Variants in SHISA9 observed in about 807,000 individuals in gnomAD.
SHISA9 encodes protein shisa-9.
Under a neutral mutation model 38.0 loss-of-function variants are expected in SHISA9, and 13 were observed. The ratio of observed to expected loss-of-function variants is 0.34; its 90% CI spans 0.22 to 0.54. The LOEUF (loss-of-function observed/expected upper bound fraction) is 0.54, where lower values mean the gene tolerates loss of function less well. Ranked by LOEUF, SHISA9 falls within the 20% of genes least tolerant of loss-of-function variation. The probability of loss-of-function intolerance (pLI) is 0.91; values close to 1 mark genes in which losing one functional copy is unlikely to be tolerated. For missense variants in SHISA9, 538 were observed against 575.8 expected (o/e 0.93, Z 0.67); for synonymous variants, 275 against 242.0 (o/e 1.14, Z -1.27).
rs545728809 is a variant in SHISA9 at position 13,014,136 on chromosome 16, C to T, written c.691+97321C>T. Among the ~76,000 whole-genome samples, 5 of 152,214 alleles carry T rather than the reference C, an allele frequency of 3.3e-5. No individual in the cohort carries two copies. In the East Asian group the frequency reaches 9.7e-4, roughly 29 times the overall value. ...AGGCAAATCCTACAAGGCTATTATC[C>T]CCATTTTACAGATGAGGAAACTGAG... On this transcript the variant is annotated intron_variant, in intron 2 of 4. Coordinates refer to ENST00000558583, the MANE Select transcript of SHISA9 (RefSeq NM_001145204.3).
At chr16:13,152,989 A>T (rs1351245301) in intron 2 of SHISA9, among the ~76,000 whole-genome samples, 1 of 152,212 alleles carries the variant, frequency 6.6e-6, no homozygotes, top group Non-Finnish European at 1.5e-5. Context: ...AGAGTGACAG[A>T]GTGATGTAAT....
At chr16:13,026,244 T>TA (rs1416564383) in intron 2 of SHISA9, among the ~76,000 whole-genome samples, 25 of 680 alleles carry the variant, frequency 0.037, no homozygotes, top group African/African-American at 0.052. Context: ...CCCCTCCCTA[T>TA]CCCCCGGCAA....
intron 2 of SHISA9, among the ~76,000 whole-genome samples, chr16:13,093,734 C>T (rs113171651): frequency 0.014 from 2,180 of 152,232 alleles, 32 homozygotes; most frequent in South Asian, 0.034. Context: ...GTTGACCTCC[C>T]CAATCTCTGC....
At chr16:13,188,148 TACCC>T (rs750896926) in intron 2 of SHISA9, among the ~76,000 whole-genome samples, 1 of 152,172 alleles carries the variant, frequency 6.6e-6, no homozygotes, top group Non-Finnish European at 1.5e-5. Context: ...ACAAAACACT[TACCC>T]ACTGCACACA....
chr16:13,478,225 T>A, the SHISA9 span, among the ~76,000 whole-genome samples: 18 of 152,218 alleles, frequency 1.2e-4, 1 homozygote, highest in Non-Finnish European at 1.5e-4. Flanking sequence ...CCTGAGTCAC[T>A]GAGGGGCATC....
In SHISA9 at chr16:13,235,273, G is replaced by A. The variant is rs1267805720; in HGVS notation, c.1139G>A (p.Arg380Gln). The A allele has an allele frequency of 1.3e-6, 2 of 1,551,536 alleles. No homozygotes were observed. Among genetic ancestry groups the A allele is most frequent in the Non-Finnish European group, 1.7e-6 (2 of 1,147,008 alleles). ...GWDPNEQSLR[R>Q]QAYSNKGKLG... is the part of the protein sequence containing the mutation. ...GACCCCAACGAGCAGTCCCTCCGGC[G>A]GCAGGCTTACAGCAACAAGGGCAAG... Residue 380 changes from arginine (R) to glutamine (Q), a missense_variant, in exon 5 of 5, where the codon CGG (arginine) becomes CAG (glutamine). Arg to Gln is a conservative substitution (Grantham distance 43). Transcript: ENST00000558583.
chr16:13,113,523 G>A (rs2074000568), intron 2 of SHISA9, among the ~76,000 whole-genome samples: 1 of 152,204 alleles, frequency 6.6e-6, no homozygotes, highest in Admixed American at 6.5e-5. Flanking sequence ...TTAATTGGCA[G>A]CCTTCTTCAG....
At chr16:13,113,197 G>A (rs907195383) in intron 2 of SHISA9, among the ~76,000 whole-genome samples, 5 of 119,940 alleles carry the variant, frequency 4.2e-5, no homozygotes, top group Non-Finnish European at 8.1e-5. Flanking sequence ...ACAACAGAAT[G>A]AGACTCCATC....
At chr16:13,322,956 A>G in the SHISA9 span, among the ~76,000 whole-genome samples, 1 of 152,112 alleles carries the variant, frequency 6.6e-6, no homozygotes, top group Non-Finnish European at 1.5e-5. Context: ...CTGCACCACA[A>G]CTGTGAGAAG....
intron 2 of SHISA9, among the ~76,000 whole-genome samples, chr16:13,194,519 C>T (rs1279624621): frequency 3.3e-5 from 5 of 152,130 alleles, no homozygotes; most frequent in African/African-American, 9.7e-5. Context: ...TGGGATAATT[C>T]GATTAGCTAG....
At chr16:13,309,957 G>A in the SHISA9 span, among the ~76,000 whole-genome samples, 1 of 151,920 alleles carries the variant, frequency 6.6e-6, no homozygotes, top group Non-Finnish European at 1.5e-5. Context: ...GCACGATCTC[G>A]GCTCACTGCA....
intron 3 of SHISA9, among the ~76,000 whole-genome samples, chr16:13,204,197 TATC>T (rs1469179524): frequency 8.1e-6 from 1 of 123,566 alleles, no homozygotes; most frequent in Non-Finnish European, 1.7e-5. Flanking sequence ...ATCTACCTAT[TATC>T]TGTCTGTCTG....
chr16:13,143,169 C>G (rs116239129), intron 2 of SHISA9, among the ~76,000 whole-genome samples: 4,101 of 151,836 alleles, frequency 0.027, 184 homozygotes, highest in African/African-American at 0.092. Flanking sequence ...CCAGGCCTGG[C>G]TAACTATTTT....
chr16:13,242,054 T>A (rs923235954), downstream of SHISA9, among the ~76,000 whole-genome samples: 2 of 152,200 alleles, frequency 1.3e-5, no homozygotes, highest in Admixed American at 6.5e-5. Flanking sequence ...AGCCACACAC[T>A]GTTAAAGACC....
chr16:13,181,165 T>G (rs1415017992), intron 2 of SHISA9, among the ~76,000 whole-genome samples: 1 of 150,994 alleles, frequency 6.6e-6, no homozygotes, highest in African/African-American at 2.4e-5. Flanking sequence ...ACCATTATTT[T>G]TGTTGTTTAT....
intron 2 of SHISA9, among the ~76,000 whole-genome samples, chr16:13,090,260 G>T (rs1264058461): frequency 6.6e-6 from 1 of 152,212 alleles, no homozygotes. Context: ...ATGTGATGCT[G>T]AGAAGAAGGT....
In SHISA9 at chr16:13,172,073, C is replaced by G. The variant is rs563910126; in HGVS notation, c.692-31321C>G. ...CCTTCCCTTCCTTTCCCCCCTTTCC[C>G]TCCTTCCCTCCTCTCTTCTGCCTTT... On this transcript the variant is annotated intron_variant, in intron 2 of 4. Transcript: ENST00000558583. Among the ~76,000 whole-genome samples, 6 of 152,108 alleles carry G rather than the reference C, an allele frequency of 3.9e-5. No individual in the cohort carries two copies. In the South Asian group the frequency reaches 1.2e-3, roughly 32 times the overall value.
chr16:13,460,066 C>G, the SHISA9 span, among the ~76,000 whole-genome samples: 1,280 of 152,256 alleles, frequency 8.4e-3, 17 homozygotes, highest in African/African-American at 0.029. Context: ...AGCCACCACA[C>G]GCAGCCTATA....
chr16:13,338,151 A>C, the SHISA9 span, among the ~76,000 whole-genome samples: 1 of 152,110 alleles, frequency 6.6e-6, no homozygotes, highest in Non-Finnish European at 1.5e-5. Context: ...AGCTTACCCA[A>C]CGTGTCACCA....
Sources: gnomAD v4.1 joint callset for allele counts (sites outside exome capture counted in the v4.1 genomes callset) on GRCh38, gnomAD v4.1.1 for gene constraint, MANE v1.5 for transcripts, NCBI Gene and HGNC (gene_info 2026-07-23, HGNC 2026-07-21) for gene names.